The following PDCD1LG2 variants were observed in gnomAD, a reference collection of about 807,000 sequenced individuals.
PDCD1LG2 encodes the protein B7 dendritic cell molecule.
Under a neutral mutation model 28.2 loss-of-function variants are expected in PDCD1LG2, and 32 were observed. The observed-to-expected ratio is 1.13, with a 90% CI of 0.86 to 1.52. PDCD1LG2 has a LOEUF of 1.52. PDCD1LG2 is among the 40% of genes most tolerant of loss of function. PDCD1LG2 has a pLI of 0.00. For synonymous variants in PDCD1LG2, 116 were observed against 120.2 expected (o/e 0.97, Z 0.23); for missense variants, 385 against 323.8 (o/e 1.19, Z -1.45).
At chr9:5,513,365 G>C (rs1240789915) in intron 1 of PDCD1LG2, among the ~76,000 whole-genome samples, 1 of 152,234 alleles carries the variant, frequency 6.6e-6, no homozygotes, top group Admixed American at 6.5e-5. Context: ...CCTCTGGGAA[G>C]TCTCCCTTCC....
intron 5 of PDCD1LG2, among the ~76,000 whole-genome samples, chr9:5,559,174 C>G (rs2129929596): frequency 6.6e-6 from 1 of 152,304 alleles, no homozygotes; most frequent in South Asian, 2.1e-4. Context: ...CATCCTTCAC[C>G]CCAATCTTAA....
chr9:5,528,899 T>A (rs12353301), intron 2 of PDCD1LG2, among the ~76,000 whole-genome samples: 3,181 of 152,248 alleles, frequency 0.021, 111 homozygotes, highest in African/African-American at 0.072. Flanking sequence ...TTGGCTTATG[T>A]TTGTATTTTC....
In PDCD1LG2 at chr9:5,529,324, T is replaced by C. The variant is rs115272776; in HGVS notation, c.56-5421T>C. Among the ~76,000 whole-genome samples, 288 of 152,340 alleles carry C rather than the reference T, an allele frequency of 1.9e-3. 1 individual carries two copies. Among genetic ancestry groups the C allele is most frequent in the African/African-American group, 6.8e-3 (281 of 41,588 alleles). On this transcript the variant is annotated intron_variant, in intron 2 of 6. Transcript: ENST00000397747. ...GGTTTATAATCCATTTTAATTTTTA[T>C]ATAAGGTGTGATGTATAGGTTAAGC...
chr9:5,538,991 C>G (rs1023041085), intron 3 of PDCD1LG2, among the ~76,000 whole-genome samples: 3 of 151,494 alleles, frequency 2.0e-5, no homozygotes, highest in African/African-American at 4.9e-5. Flanking sequence ...TTCAATGTAC[C>G]CCTTCTGGCT....
chr9:5,534,642 C>T (rs746324973), intron 2 of PDCD1LG2, 103 bp from the exon 3 acceptor site: 2 of 1,012,576 alleles, frequency 2.0e-6, no homozygotes, highest in Non-Finnish European at 2.9e-6. Context: ...AAGACAGGTG[C>T]CTTTTGGAAA....
At chr9:5,534,035 G>A (rs986898147) in intron 2 of PDCD1LG2, among the ~76,000 whole-genome samples, 2 of 151,586 alleles carry the variant, frequency 1.3e-5, no homozygotes, top group Admixed American at 6.6e-5. Context: ...TACCTGATCT[G>A]ATTCTGGCTG....
At chr9:5,514,575 T>C (rs565395047) in intron 1 of PDCD1LG2, among the ~76,000 whole-genome samples, 1 of 152,092 alleles carries the variant, frequency 6.6e-6, no homozygotes, top group African/African-American at 2.4e-5. Flanking sequence ...ATACTTCTTA[T>C]GTAGAAATAA....
At chr9:5,557,408 T>C (rs1816465896) in intron 4 of PDCD1LG2, among the ~76,000 whole-genome samples, 1 of 152,090 alleles carries the variant, frequency 6.6e-6, no homozygotes, top group Non-Finnish European at 1.5e-5. Flanking sequence ...TCTTCACCAG[T>C]GAAATGGGGA....
chr9:5,535,166 G>A, intron 3 of PDCD1LG2, 116 bp downstream of exon 3: 1 of 908,394 alleles, frequency 1.1e-6, no homozygotes, highest in South Asian at 1.8e-5. Flanking sequence ...CTTTTAAGGA[G>A]ACAGCTATTT....
intron 4 of PDCD1LG2, among the ~76,000 whole-genome samples, chr9:5,553,282 C>G (rs112504703): frequency 1.2e-4 from 18 of 152,308 alleles, no homozygotes; most frequent in African/African-American, 3.6e-4. Flanking sequence ...CCACAGACTT[C>G]TCACCTCATG....
chr9:5,553,886 C>T (rs1816384835), intron 4 of PDCD1LG2, among the ~76,000 whole-genome samples: 1 of 152,202 alleles, frequency 6.6e-6, no homozygotes, highest in South Asian at 2.1e-4. Flanking sequence ...TCCTCTGCTT[C>T]ATTAACCATC....
chr9:5,513,756 G>C (rs1820104862), intron 1 of PDCD1LG2, among the ~76,000 whole-genome samples: 1 of 152,298 alleles, frequency 6.6e-6, no homozygotes, highest in African/African-American at 2.4e-5. Context: ...CTGGCTGTAA[G>C]ATCCCCCCAA....
At chr9:5,547,797 G>C (rs1401138607) in intron 3 of PDCD1LG2, among the ~76,000 whole-genome samples, 3 of 151,978 alleles carry the variant, frequency 2.0e-5, no homozygotes, top group Non-Finnish European at 4.4e-5. Flanking sequence ...AATTAGCCAG[G>C]CATGGTGGCA....
intron 4 of PDCD1LG2, 23 bp downstream of exon 4, chr9:5,549,627 AG>A (rs1295179019): frequency 6.2e-7 from 1 of 1,612,780 alleles, no homozygotes; most frequent in Non-Finnish European, 8.5e-7. Flanking sequence ...CCCACTTCCT[AG>A]GTCTATCAGT....
intron 3 of PDCD1LG2, among the ~76,000 whole-genome samples, chr9:5,546,300 A>G (rs1329479325): frequency 6.6e-6 from 1 of 152,190 alleles, no homozygotes; most frequent in Non-Finnish European, 1.5e-5. Flanking sequence ...CCTCACCCAC[A>G]GTACTCTGCT....
intron 2 of PDCD1LG2, among the ~76,000 whole-genome samples, chr9:5,528,797 G>C (rs533281116): frequency 1.3e-5 from 2 of 151,996 alleles, no homozygotes; most frequent in Non-Finnish European, 2.9e-5. Flanking sequence ...GTTCACTGTC[G>C]TGGCTCACTA....
Position 5,563,161 on chromosome 9 carries a change from G to C in PDCD1LG2, c.767-1G>C, listed in dbSNP as rs2129946590. ...CCATTTCTGGAATTTTTCCTTTTCA[G>C]ACACAACAAAAAGACCTGTCACCAC... On this transcript the variant is annotated splice_acceptor_variant, in intron 5 of 6. Transcript: ENST00000397747. LOFTEE classifies it high-confidence loss of function. 1 of 1,609,754 alleles carries C rather than the reference G, an allele frequency of 6.2e-7. No homozygotes were observed. Among genetic ancestry groups the C allele is most frequent in the Non-Finnish European group, 8.5e-7 (1 of 1,176,510 alleles).
chr9:5,535,091 C>G (rs980310608), intron 3 of PDCD1LG2, 41 bp downstream of exon 3: 1 of 1,508,074 alleles, frequency 6.6e-7, no homozygotes, highest in Non-Finnish European at 8.9e-7. Flanking sequence ...AAGCATCTCT[C>G]CAACAGAGGA....
intron 3 of PDCD1LG2, among the ~76,000 whole-genome samples, chr9:5,536,771 A>G (rs1820587921): frequency 6.6e-6 from 1 of 152,210 alleles, no homozygotes; most frequent in Non-Finnish European, 1.5e-5. Context: ...TGGGGATTAC[A>G]AAGACTTTTC....
Sources: allele counts gnomAD v4.1 joint callset (sites outside exome capture counted in the v4.1 genomes callset), GRCh38; gene constraint gnomAD v4.1.1; transcripts MANE v1.5; gene names NCBI Gene and HGNC (gene_info 2026-07-23, HGNC 2026-07-21).